The following MPPED2 variants were observed in gnomAD, a reference collection of about 807,000 sequenced individuals.
The protein encoded by MPPED2 is metallophosphoesterase MPPED2.
MPPED2 carries 5 observed loss-of-function variants against 33.0 expected under a neutral mutation model. That is an observed-to-expected ratio of 0.15 (90% CI 0.08 to 0.32). MPPED2 has a LOEUF of 0.32. MPPED2 is among the 10% of genes least tolerant of loss of function. The pLI, the probability that MPPED2 is intolerant of heterozygous loss-of-function variation, is 1.00. For synonymous variants in MPPED2, 136 were observed against 141.9 expected, an observed-to-expected ratio of 0.96 and a Z score of 0.29; for missense variants, 275 against 372.1, an observed-to-expected ratio of 0.74 and a Z score of 2.15.
At position 30,487,975 on chromosome 11, in the gene MPPED2, T is replaced by G. The variant is rs375180148; in HGVS notation, c.536+7321A>C. On this transcript the variant is annotated intron_variant, in intron 4 of 6. Transcript: ENST00000358117. ...AGATGAAAAGCAGCTACTTCCTGAG[T>G]TGCTCAGGCCACGGAGTAGACAGAC... Among the ~76,000 whole-genome samples, 64 of 152,062 alleles carry G rather than the reference T, an allele frequency of 4.2e-4. No individual in the cohort carries two copies. The South Asian group carries it at 0.012, about 30-fold the overall frequency.
At chr11:30,583,753 A>G (rs998554304) in intron 1 of MPPED2, among the ~76,000 whole-genome samples, 2 of 152,076 alleles carry the variant, frequency 1.3e-5, no homozygotes, top group African/African-American at 4.8e-5. Context: ...GCAACAACTC[A>G]TGACCTCTCT....
intron 3 of MPPED2, among the ~76,000 whole-genome samples, chr11:30,520,483 A>G (rs1035942827): frequency 6.6e-6 from 1 of 152,242 alleles, no homozygotes; most frequent in African/African-American, 2.4e-5. Context: ...AAATCAAAAC[A>G]GAAGACTTCC....
intron 4 of MPPED2, among the ~76,000 whole-genome samples, chr11:30,435,530 G>A (rs1258225653): frequency 1.3e-5 from 2 of 152,150 alleles, no homozygotes; most frequent in East Asian, 3.9e-4. Flanking sequence ...GAGGACTCTG[G>A]CTAAGCATAC....
chr11:30,553,925 A>G (rs773718541), intron 2 of MPPED2, among the ~76,000 whole-genome samples: 1 of 152,206 alleles, frequency 6.6e-6, no homozygotes, highest in Non-Finnish European at 1.5e-5. Context: ...TATGAGTGTA[A>G]ATAATCGTAA....
At chr11:30,579,540 G>A (rs1051123681) in intron 2 of MPPED2, among the ~76,000 whole-genome samples, 1 of 152,156 alleles carries the variant, frequency 6.6e-6, no homozygotes, top group Non-Finnish European at 1.5e-5. Context: ...GCAACCAGGT[G>A]CTGCAAAATC....
intron 4 of MPPED2, among the ~76,000 whole-genome samples, chr11:30,419,352 A>G (rs1187950813): frequency 1.3e-5 from 2 of 152,202 alleles, no homozygotes; most frequent in African/African-American, 2.4e-5. Flanking sequence ...CTTCTTATAT[A>G]CTATCTGAAT....
intron 2 of MPPED2, among the ~76,000 whole-genome samples, chr11:30,542,046 C>T (rs577166087): frequency 1.5e-4 from 23 of 152,306 alleles, no homozygotes; most frequent in African/African-American, 5.1e-4. Context: ...AACCTGCCAG[C>T]ACAACAATGA....
At chr11:30,490,877 C>G (rs1038829096) in intron 4 of MPPED2, among the ~76,000 whole-genome samples, 1 of 142,394 alleles carries the variant, frequency 7.0e-6, no homozygotes, top group Non-Finnish European at 1.5e-5. Flanking sequence ...CTTCTAAATA[C>G]ATGAATTATA....
At chr11:30,577,619 TA>T (rs1205206184) in intron 2 of MPPED2, among the ~76,000 whole-genome samples, 3 of 152,286 alleles carry the variant, frequency 2.0e-5, no homozygotes, top group African/African-American at 7.2e-5. Flanking sequence ...TTTTGTTTCT[TA>T]ACATAACAGA....
chr11:30,559,639 T>A (rs754334775), intron 2 of MPPED2, among the ~76,000 whole-genome samples: 4 of 152,168 alleles, frequency 2.6e-5, no homozygotes, highest in Non-Finnish European at 5.9e-5. Flanking sequence ...CAAAGTCTTA[T>A]AGAAAAAATT....
At chr11:30,507,736 A>G (rs2134282922) in intron 3 of MPPED2, among the ~76,000 whole-genome samples, 1 of 152,300 alleles carries the variant, frequency 6.6e-6, no homozygotes, top group Non-Finnish European at 1.5e-5. Flanking sequence ...GTGTGAAATC[A>G]TGAAGTCTCC....
intron 2 of MPPED2, among the ~76,000 whole-genome samples, chr11:30,544,247 T>C (rs1336338474): frequency 6.6e-6 from 1 of 152,174 alleles, no homozygotes; most frequent in Admixed American, 6.5e-5. Context: ...ACTGGAGATG[T>C]ATTGTCCAGG....
At chr11:30,497,458 T>C (rs1952324873) in intron 3 of MPPED2, among the ~76,000 whole-genome samples, 1 of 152,202 alleles carries the variant, frequency 6.6e-6, no homozygotes, top group Non-Finnish European at 1.5e-5. Flanking sequence ...CGGTCCTTAC[T>C]GTGTGATTCT....
intron 4 of MPPED2, among the ~76,000 whole-genome samples, chr11:30,460,465 T>G (rs1022214178): frequency 4.6e-5 from 7 of 151,740 alleles, no homozygotes; most frequent in African/African-American, 7.3e-5. Flanking sequence ...CTACAAAATT[T>G]TTTTAAAAAG....
In MPPED2 at chr11:30,580,435, T is replaced by C; in HGVS notation, c.-62A>G. On this transcript the variant is annotated 5_prime_UTR_variant, in exon 2 of 7. An upstream start codon of the reference 5' UTR is lost. Transcript: ENST00000358117. ...ACAGAGCAAAAGATGGAAGCAGGCATGGTGCGTTTCAGCCAACCTCTGAAT... is the reference window on the plus strand; with the variant it reads ...ACAGAGCAAAAGATGGAAGCAGGCACGGTGCGTTTCAGCCAACCTCTGAAT... The C allele has an allele frequency of 1.9e-6, 3 of 1,596,310 alleles. No individual in the cohort carries two copies. Among genetic ancestry groups the C allele is most frequent in the Non-Finnish European group, 2.6e-6 (3 of 1,168,856 alleles).
chr11:30,556,796 C>G (rs1008364874), intron 2 of MPPED2, among the ~76,000 whole-genome samples: 1 of 152,148 alleles, frequency 6.6e-6, no homozygotes, highest in African/African-American at 2.4e-5. Flanking sequence ...ATTATCATTA[C>G]TATTATTATC....
intron 4 of MPPED2, among the ~76,000 whole-genome samples, chr11:30,463,700 T>C (rs747035421): frequency 3.3e-5 from 5 of 152,144 alleles, no homozygotes; most frequent in Non-Finnish European, 7.4e-5. Context: ...CACATCAAAA[T>C]CTCTAAAGCC....
chr11:30,457,398 A>C (rs901791711), intron 4 of MPPED2, among the ~76,000 whole-genome samples: 1 of 148,710 alleles, frequency 6.7e-6, no homozygotes, highest in Non-Finnish European at 1.5e-5. Flanking sequence ...AAAAAAAAAA[A>C]CAGTTCCTTC....
chr11:30,544,840 G>A (rs950696936), intron 2 of MPPED2, among the ~76,000 whole-genome samples: 7 of 152,172 alleles, frequency 4.6e-5, no homozygotes, highest in African/African-American at 9.7e-5. Context: ...TCAAATGCAC[G>A]AGACAAAGGA....
Sources: allele counts gnomAD v4.1 joint callset (sites outside exome capture counted in the v4.1 genomes callset), GRCh38; gene constraint gnomAD v4.1.1; transcripts MANE v1.5; gene names NCBI Gene and HGNC (gene_info 2026-07-23, HGNC 2026-07-21).